The following ABCB1 variants were observed in gnomAD, a reference collection of about 807,000 sequenced individuals.
ABCB1 encodes ATP binding cassette subfamily B member 1.
Under a neutral mutation model 142.0 loss-of-function variants are expected in ABCB1, and 69 were observed. The observed-to-expected ratio is 0.49, with a 90% CI of 0.40 to 0.59. ABCB1 has a LOEUF of 0.59. Ranked by LOEUF, ABCB1 falls within the 20% of genes least tolerant of loss-of-function variation. The pLI is 0.00. For synonymous variants in ABCB1, 532 were observed against 539.2 expected (o/e 0.99, Z 0.18); for missense variants, 1,326 against 1,554.7 (o/e 0.85, Z 2.47).
rs546527484 is a variant in ABCB1, at chr7:87,516,731, C to CTTTTTTT, written c.2928-73_2928-67dup. On this transcript the variant is annotated intron_variant, in intron 23 of 27. Coordinates refer to ENST00000622132, the MANE Select transcript of ABCB1 (RefSeq NM_001348946.2). ...TCACAATGCTAGAAAGCTGACACTC[C>CTTTTTTT]TTTTTTTTTTTTTTTTTTTTTTTGA... 1,464 of 806,162 alleles carry CTTTTTTT rather than the reference C, an allele frequency of 1.8e-3. 125 individuals carry two copies. In the African/African-American group the frequency reaches 0.042, roughly 23 times the overall value. 49.9% of individuals were successfully genotyped at this position (806,162 alleles called of 1,614,324 possible). A position where few individuals can be genotyped will look rare whatever the true frequency, so the allele number is the denominator to read the frequency against.
At chr7:87,572,682 T>G (rs1405239460) in intron 4 of ABCB1, among the ~76,000 whole-genome samples, 1 of 151,914 alleles carries the variant, frequency 6.6e-6, no homozygotes, top group African/African-American at 2.4e-5. Flanking sequence ...ATAAAGAAAA[T>G]GTGGTACATA....
chr7:87,504,324 A>G lies in ABCB1; in HGVS notation c.3762T>C (p.His1254=), dbSNP rs1404008939. The G allele has an allele frequency of 6.2e-7, 1 of 1,613,922 alleles. No individual in the cohort carries two copies. Among genetic ancestry groups the G allele is most frequent in the Non-Finnish European group, 8.5e-7 (1 of 1,180,010 alleles). Residue 1254 remains histidine, a synonymous_variant, in exon 28 of 28, where the codon CAT becomes CAC. Transcript: ENST00000622132. ...VVFQNGRVKE[H]GTHQQLLAQK... ...GTGCCAGCAGCTGCTGATGCGTGCC[A>G]TGCTCCTTGACTCTGCCATTCTGAA...
At chr7:87,589,423 C>T (rs148625954) in intron 3 of ABCB1, among the ~76,000 whole-genome samples, 138 of 152,056 alleles carry the variant, frequency 9.1e-4, no homozygotes, top group Non-Finnish European at 1.6e-3. Flanking sequence ...AGCAGGCAGA[C>T]CAAAAAACGT....
intron 3 of ABCB1, among the ~76,000 whole-genome samples, chr7:87,587,707 T>G (rs939931337): frequency 6.6e-6 from 1 of 151,522 alleles, no homozygotes; most frequent in African/African-American, 2.4e-5. Flanking sequence ...CCGTCTCTAT[T>G]AAAATACAAA....
At chr7:87,685,414 T>G (rs535886787) in intron 1 of ABCB1, among the ~76,000 whole-genome samples, 2 of 152,276 alleles carry the variant, frequency 1.3e-5, no homozygotes, top group Admixed American at 1.3e-4. Flanking sequence ...ATCAAGCTCT[T>G]TTGTCAAAAA....
chr7:87,581,692 G>C (rs1818514865), intron 4 of ABCB1, among the ~76,000 whole-genome samples: 1 of 152,188 alleles, frequency 6.6e-6, no homozygotes, highest in African/African-American at 2.4e-5. Context: ...TGCAGCAACA[G>C]AGAAGGATCT....
intron 1 of ABCB1, among the ~76,000 whole-genome samples, chr7:87,679,377 G>A (rs1368610177): frequency 6.7e-6 from 1 of 149,520 alleles, no homozygotes; most frequent in Admixed American, 6.7e-5. Context: ...ACAAGTGTGA[G>A]CCACCGTGCC....
At chr7:87,509,157 G>C (rs1202480008) in intron 26 of ABCB1, 118 bp downstream of exon 26, 2 of 968,968 alleles carry the variant, frequency 2.1e-6, no homozygotes, top group South Asian at 2.7e-5. Flanking sequence ...TACAGGTAAG[G>C]GTGTGATTTG....
intron 1 of ABCB1, among the ~76,000 whole-genome samples, chr7:87,657,940 TAAAAC>T (rs1824281227): frequency 6.6e-6 from 1 of 152,136 alleles, no homozygotes. Context: ...AAAAGCTAGT[TAAAAC>T]AGAAGGTTTA....
chr7:87,566,111 T>C lies in ABCB1; in HGVS notation c.661A>G (p.Ile221Val). 1 of 1,614,212 alleles carries C rather than the reference T, an allele frequency of 6.2e-7. No individual in the cohort carries two copies. Among genetic ancestry groups the C allele is most frequent in the Non-Finnish European group, 8.5e-7 (1 of 1,180,032 alleles). ...GCTGACAGTCCAAGAACAGGACTGA[T>C]GGCCAAAATCACAAGGGTTAGCTTC... is the stretch of plus-strand genomic sequence containing the variant. ...GWKLTLVILA[I>V]SPVLGLSAAV... The change falls in exon 7 of 28, where the codon ATC becomes GTC. Residue 221 changes from isoleucine to valine, a missense_variant. Ile to Val is a conservative substitution (Grantham distance 29). Coordinates refer to ENST00000622132, the MANE Select transcript of ABCB1 (RefSeq NM_001348946.2).
At chr7:87,545,727 G>A (rs1816751246) in intron 15 of ABCB1, 136 bp downstream of exon 15, 2 of 868,538 alleles carry the variant, frequency 2.3e-6, no homozygotes, top group South Asian at 1.8e-5. Flanking sequence ...TTAAACACTG[G>A]TCTCATCCTG....
intron 1 of ABCB1, chr7:87,659,205 G>C (rs1585025804): frequency 2.3e-6 from 1 of 426,478 alleles, no homozygotes; most frequent in Non-Finnish European, 4.7e-6. Flanking sequence ...CAGGAAGAAA[G>C]GATACAGTAA....
At chr7:87,617,980 C>T (rs1385776616) in intron 1 of ABCB1, among the ~76,000 whole-genome samples, 1 of 152,154 alleles carries the variant, frequency 6.6e-6, no homozygotes, top group African/African-American at 2.4e-5. Context: ...CAGCCACAGG[C>T]CATTTGTACA....
chr7:87,568,614 C>T lies in ABCB1; in HGVS notation c.338+1558G>A, dbSNP rs560363579. On this transcript the variant is annotated intron_variant, in intron 5 of 27. Transcript: ENST00000622132. ...TAGGTAACAAGCAGACAGTCTCTGA[C>T]ATTGCTGTTCACAATTCAGCACTCA... 6.6e-5 allele frequency among the ~76,000 whole-genome samples: 10 copies of T among 152,196 alleles called. No individual in the cohort carries two copies. In the South Asian group the frequency reaches 2.1e-3, roughly 32 times the overall value.
intron 8 of ABCB1, among the ~76,000 whole-genome samples, chr7:87,559,510 T>C (rs1007612494): frequency 6.6e-6 from 1 of 152,138 alleles, no homozygotes; most frequent in Non-Finnish European, 1.5e-5. Context: ...GATATGTCAA[T>C]CTTCCACTCT....
intron 1 of ABCB1, among the ~76,000 whole-genome samples, chr7:87,606,854 G>A (rs888766773): frequency 1.3e-4 from 20 of 151,912 alleles, no homozygotes; most frequent in Non-Finnish European, 2.9e-4. Flanking sequence ...TGGAGATGGG[G>A]ATGAGAATGC....
At position 87,506,030 on chromosome 7, in the gene ABCB1, T is replaced by C. The variant is rs1814721106; in HGVS notation, c.3503A>G (p.Lys1168Arg). ...GAGCTGAGTTCCTTTGTCTCCTACT[T>C]TAGTGCTATATTTCTGTAAATAAGG... ...IESLPNKYST[K>R]VGDKGTQLSG... is the part of the protein sequence containing the mutation. The change falls in exon 27 of 28, where the codon AAA (lysine) becomes AGA (arginine). Residue 1168 changes from lysine (K) to arginine (R), a missense_variant. Physicochemically the swap from Lys to Arg is conservative, Grantham distance 26. Coordinates refer to ENST00000622132, the MANE Select transcript of ABCB1 (RefSeq NM_001348946.2). 1 of 1,613,874 alleles carries C rather than the reference T, an allele frequency of 6.2e-7. No homozygotes were observed. Among genetic ancestry groups the C allele is most frequent in the African/African-American group, 1.3e-5 (1 of 74,920 alleles).
At chr7:87,607,579 T>A (rs1181147151) in intron 1 of ABCB1, among the ~76,000 whole-genome samples, 4 of 152,040 alleles carry the variant, frequency 2.6e-5, no homozygotes, top group Non-Finnish European at 5.9e-5. Flanking sequence ...TGAGACAGGG[T>A]CTTGCTCTGT....
intron 1 of ABCB1, among the ~76,000 whole-genome samples, chr7:87,633,238 A>G (rs1821404290): frequency 6.6e-6 from 1 of 152,238 alleles, no homozygotes; most frequent in African/African-American, 2.4e-5. Flanking sequence ...CAGGATTTGT[A>G]TAACTGAAAT....
Sources: gnomAD v4.1 joint callset for allele counts (sites outside exome capture counted in the v4.1 genomes callset) on GRCh38, gnomAD v4.1.1 for gene constraint, MANE v1.5 for transcripts, NCBI Gene and HGNC (gene_info 2026-07-23, HGNC 2026-07-21) for gene names.